The following SLC26A7 variants were observed in gnomAD, a reference collection of about 807,000 sequenced individuals.
The protein encoded by SLC26A7 is anion exchange transporter.
Under a neutral mutation model 82.5 loss-of-function variants are expected in SLC26A7, and 59 were observed. The observed-to-expected ratio is 0.72, with a 90% CI of 0.58 to 0.89. SLC26A7 has a LOEUF of 0.89. SLC26A7 is among the 40% of genes least tolerant of loss of function. The probability of loss-of-function intolerance (pLI) is 0.00; values close to 1 mark genes in which losing one functional copy is unlikely to be tolerated. For synonymous variants in SLC26A7, 271 were observed against 274.3 expected (o/e 0.99, Z 0.12); for missense variants, 820 against 793.0 (o/e 1.03, Z -0.41).
chr8:91,242,474 C>T (rs1039779177), intron 2 of SLC26A7, among the ~76,000 whole-genome samples: 1 of 152,064 alleles, frequency 6.6e-6, no homozygotes, highest in African/African-American at 2.4e-5. Flanking sequence ...AATTGTATTC[C>T]TTCAAAATTC....
intron 1 of SLC26A7, among the ~76,000 whole-genome samples, chr8:91,213,176 G>A (rs995205028): frequency 2.6e-5 from 4 of 152,154 alleles, no homozygotes; most frequent in Admixed American, 6.6e-5. Context: ...GGACCACTGT[G>A]TGGGGAAGGG....
rs1038260852 is a variant in SLC26A7, at chr8:91,396,598, T to A, written c.*1501T>A. ...AAAGGTTTTGAATTCTTATAACATA[T>A]CCAGCCATTTCAATTTTGATTGAAA... On this transcript the variant is annotated 3_prime_UTR_variant, in exon 19 of 19. Coordinates refer to ENST00000276609, the MANE Select transcript of SLC26A7 (RefSeq NM_052832.4). 1 of 152,006 alleles carries A rather than the reference T, an allele frequency of 6.6e-6. No individual in the cohort carries two copies. The highest frequency in any genetic ancestry group is 2.4e-5 in the African/African-American group (1 of 41,426). The allele number at this position is 152,006 out of a possible 1,614,324, so 9.4% of individuals were successfully genotyped here.
chr8:91,333,042 C>T (rs1030385547), intron 5 of SLC26A7, among the ~76,000 whole-genome samples: 1 of 152,078 alleles, frequency 6.6e-6, no homozygotes, highest in Non-Finnish European at 1.5e-5. Context: ...GGATGGATTG[C>T]ATTTGGCTGG....
chr8:91,312,727 T>A (rs2130800973), intron 4 of SLC26A7, among the ~76,000 whole-genome samples: 1 of 152,188 alleles, frequency 6.6e-6, no homozygotes, highest in South Asian at 2.1e-4. Flanking sequence ...GTAGTTTTGA[T>A]TTGCATTTTC....
chr8:91,377,125 C>A (rs1814539234), intron 15 of SLC26A7, among the ~76,000 whole-genome samples: 1 of 152,080 alleles, frequency 6.6e-6, no homozygotes, highest in African/African-American at 2.4e-5. Flanking sequence ...CAATCCCAAG[C>A]AGGGAGGGTT....
rs537557957 is a variant in SLC26A7 at position 91,300,356 on chromosome 8, C to G, written c.477+4653C>G. 1.8e-4 allele frequency among the ~76,000 whole-genome samples: 27 copies of G among 150,604 alleles called. 1 individual carries two copies. The highest frequency in any genetic ancestry group is 1.7e-3 in the East Asian group (9 of 5,158). Reference sequence around the variant, plus strand: ...TTGAATCCTGATATCTTACTGAATTCTTTTAGTATTTGAATTAGTTTTATT... The same window carrying G: ...TTGAATCCTGATATCTTACTGAATTGTTTTAGTATTTGAATTAGTTTTATT... On this transcript the variant is annotated intron_variant, in intron 4 of 18. Coordinates refer to ENST00000276609, the MANE Select transcript of SLC26A7 (RefSeq NM_052832.4).
At chr8:91,304,391 C>T (rs1253982151) in intron 4 of SLC26A7, among the ~76,000 whole-genome samples, 1 of 152,076 alleles carries the variant, frequency 6.6e-6, no homozygotes, top group Non-Finnish European at 1.5e-5. Flanking sequence ...GTGGCACTTC[C>T]TCCTTCTTTC....
At chr8:91,232,212 T>G (rs931248796) in intron 2 of SLC26A7, among the ~76,000 whole-genome samples, 5 of 152,226 alleles carry the variant, frequency 3.3e-5, no homozygotes, top group African/African-American at 1.2e-4. Flanking sequence ...TGTAAGCATT[T>G]TCAGATTTAT....
intron 2 of SLC26A7, among the ~76,000 whole-genome samples, chr8:91,276,900 G>C (rs1300052433): frequency 2.0e-5 from 3 of 152,118 alleles, no homozygotes; most frequent in African/African-American, 7.2e-5. Context: ...TAACCTGGGG[G>C]TCTCAGAGTC....
At chr8:91,302,258 A>AT (rs1213907620) in intron 4 of SLC26A7, among the ~76,000 whole-genome samples, 2 of 151,146 alleles carry the variant, frequency 1.3e-5, no homozygotes, top group African/African-American at 4.9e-5. Context: ...TGCCTTTTTG[A>AT]TTTTTTTTGC....
At chr8:91,366,749 C>T (rs1256310535) in intron 14 of SLC26A7, 32 bp downstream of exon 14, 1 of 1,595,272 alleles carries the variant, frequency 6.3e-7, no homozygotes, top group Non-Finnish European at 8.5e-7. Context: ...GAATGTCATA[C>T]TACATGTAGC....
intron 2 of SLC26A7, among the ~76,000 whole-genome samples, chr8:91,255,903 C>T (rs1487502489): frequency 6.6e-6 from 1 of 152,124 alleles, no homozygotes; most frequent in East Asian, 1.9e-4. Flanking sequence ...CAGTGAGTGT[C>T]AGGATGAGAT....
rs890181528 is a variant in SLC26A7, at chr8:91,241,652, T to C, written c.-33-7967T>C. Among the ~76,000 whole-genome samples the C allele has an allele frequency of 5.9e-5, 9 of 152,228 alleles. No homozygotes were observed. The East Asian group carries it at 1.7e-3, about 29-fold the overall frequency. On this transcript the variant is annotated intron_variant, in intron 2 of 5. Coordinates refer to the SLC26A7 transcript ENST00000522862. ...CTAAATAATATACATGAGAGTTGTT[T>C]GGTTATTTTTGAACTTTGCACACTT...
chr8:91,343,571 C>G, intron 9 of SLC26A7, 105 bp downstream of exon 9: 1 of 712,900 alleles, frequency 1.4e-6, no homozygotes, highest in Non-Finnish European at 2.2e-6. Context: ...ACTATTTTCA[C>G]TTATTTAATT....
intron 14 of SLC26A7, among the ~76,000 whole-genome samples, chr8:91,368,821 G>T (rs1412449810): frequency 1.3e-5 from 2 of 152,148 alleles, no homozygotes; most frequent in Non-Finnish European, 2.9e-5. Context: ...ATCATCACCA[G>T]CCCTGAGATG....
chr8:91,380,278 T>A (rs1388465342), intron 15 of SLC26A7, among the ~76,000 whole-genome samples: 1 of 152,104 alleles, frequency 6.6e-6, no homozygotes, highest in African/African-American at 2.4e-5. Flanking sequence ...TTTCTTTGGA[T>A]TTTGGAATAT....
At chr8:91,366,803 C>A (rs1161211218) in intron 14 of SLC26A7, 86 bp downstream of exon 14, 12 of 1,438,016 alleles carry the variant, frequency 8.3e-6, no homozygotes, top group Non-Finnish European at 1.0e-5. Context: ...AATAATAATA[C>A]ATCACACGAG....
rs532377606 is a variant in SLC26A7 at position 91,228,164 on chromosome 8, A to G, written c.-34+9159A>G. 2.2e-4 allele frequency among the ~76,000 whole-genome samples: 33 copies of G among 152,376 alleles called. 1 individual carries two copies. Among genetic ancestry groups the G allele is most frequent in the Admixed American group, 2.2e-3 (33 of 15,312 alleles). On this transcript the variant is annotated intron_variant, in intron 2 of 5. Transcript: ENST00000522862. ...AAAAGGTCCTTGTCTCATTAGAGTC[A>G]GTGCCCTGAGGGGCCAGAGAAATCA...
intron 4 of SLC26A7, among the ~76,000 whole-genome samples, chr8:91,300,035 T>C (rs575006546): frequency 6.6e-6 from 1 of 152,362 alleles, no homozygotes; most frequent in East Asian, 1.9e-4. Context: ...AACTTCCTTG[T>C]ATAAAAAGAA....
Sources: gnomAD v4.1 joint callset for allele counts (sites outside exome capture counted in the v4.1 genomes callset) on GRCh38, gnomAD v4.1.1 for gene constraint, MANE v1.5 for transcripts, NCBI Gene and HGNC (gene_info 2026-07-23, HGNC 2026-07-21) for gene names.